The following NMNAT1 variants were observed in gnomAD, a reference collection of about 807,000 sequenced individuals.
NMNAT1 encodes the protein nicotinamide/nicotinic acid mononucleotide adenylyltransferase 1.
A neutral mutation model predicts 16.7 loss-of-function variants in NMNAT1; 11 were observed. That is an observed-to-expected ratio of 0.66 (90% CI 0.41 to 1.09). NMNAT1 has a LOEUF of 1.09. Ranked by LOEUF, NMNAT1 falls within the 50% of genes least tolerant of loss-of-function variation. The pLI is 0.00. For missense variants in NMNAT1, 280 were observed against 332.3 expected, an observed-to-expected ratio of 0.84 and a Z score of 1.22; for synonymous variants, 110 against 119.8, an observed-to-expected ratio of 0.92 and a Z score of 0.53.
rs181146275 is a variant in NMNAT1 at position 9,947,080 on chromosome 1, C to T, written c.-57+3565C>T. ...CCCCTGAACTTGGCTTTGTTCTCCA[C>T]TTGCCTACTTATTGTCACCACTTGG... On this transcript the variant is annotated intron_variant, in intron 1 of 4. Coordinates refer to ENST00000377205, the MANE Select transcript of NMNAT1 (RefSeq NM_022787.4). Among the ~76,000 whole-genome samples, 7 of 152,322 alleles carry T rather than the reference C, an allele frequency of 4.6e-5. No individual in the cohort carries two copies. In the East Asian group the frequency reaches 1.4e-3, roughly 29 times the overall value.
chr1:9,991,545 A>C, the NMNAT1 span, among the ~76,000 whole-genome samples: 1 of 152,096 alleles, frequency 6.6e-6, no homozygotes, highest in Non-Finnish European at 1.5e-5. Flanking sequence ...CTGGCTTCTC[A>C]ATGAAAATGG....
chr1:9,980,215 A>G (rs1641910684), intron 3 of NMNAT1, among the ~76,000 whole-genome samples: 1 of 151,832 alleles, frequency 6.6e-6, no homozygotes, highest in African/African-American at 2.4e-5. Context: ...TACAGGTGTG[A>G]GCCACCACGC....
intron 1 of NMNAT1, chr1:9,955,938 A>G (rs549051435): frequency 6.6e-6 from 1 of 152,204 alleles, no homozygotes; most frequent in East Asian, 1.9e-4. Context: ...TTAATTTATT[A>G]CTTATTACAG....
At chr1:9,973,787 G>C (rs1312989582) in intron 2 of NMNAT1, among the ~76,000 whole-genome samples, 1 of 150,966 alleles carries the variant, frequency 6.6e-6, no homozygotes. Flanking sequence ...CACTTCGAGA[G>C]GCAGAAGGGG....
chr1:9,967,299 A>G (rs1308487068), intron 1 of NMNAT1: 2 of 154,000 alleles, frequency 1.3e-5, no homozygotes, highest in African/African-American at 2.4e-5. Context: ...TAATAATTGA[A>G]GGAAGAATAA....
At chr1:9,970,421 G>T (rs781662629) in intron 1 of NMNAT1, among the ~76,000 whole-genome samples, 5 of 152,026 alleles carry the variant, frequency 3.3e-5, no homozygotes, top group African/African-American at 4.8e-5. Flanking sequence ...TAGGCCAGGC[G>T]CAGTGGCTCA....
chr1:9,966,062 G>A (rs1641535232), intron 1 of NMNAT1, among the ~76,000 whole-genome samples: 1 of 152,052 alleles, frequency 6.6e-6, no homozygotes, highest in Admixed American at 6.6e-5. Context: ...ACTTCGGGAG[G>A]CTGAAGCAGT....
chr1:9,980,454 A>C (rs1641915323), intron 3 of NMNAT1, among the ~76,000 whole-genome samples: 1 of 21,020 alleles, frequency 4.8e-5, no homozygotes, highest in South Asian at 7.0e-3. Context: ...CCCCGTCACT[A>C]CTAAAAATAC....
chr1:9,959,689 AAAAG>A (rs1366107511), intron 1 of NMNAT1, among the ~76,000 whole-genome samples: 1 of 152,042 alleles, frequency 6.6e-6, no homozygotes, highest in African/African-American at 2.4e-5. Context: ...CCCCACCAAA[AAAAG>A]AAAAGAAAGA....
chr1:9,954,929 C>CAAA, intron 1 of NMNAT1, among the ~76,000 whole-genome samples: 1 of 138,392 alleles, frequency 7.2e-6, no homozygotes, highest in East Asian at 2.1e-4. Context: ...GACTCCATCT[C>CAAA]AAAAAAAAAA....
downstream of NMNAT1, among the ~76,000 whole-genome samples, chr1:9,990,460 C>T (rs1011111586): frequency 1.1e-4 from 17 of 152,304 alleles, no homozygotes; most frequent in South Asian, 1.0e-3. Flanking sequence ...AACTCCTCAT[C>T]GCATCTCACT....
chr1:9,946,506 G>T (rs1357889521), intron 1 of NMNAT1, among the ~76,000 whole-genome samples: 2 of 152,186 alleles, frequency 1.3e-5, no homozygotes, highest in African/African-American at 4.8e-5. Flanking sequence ...ACTAGGTAGG[G>T]AAAATGCTGG....
chr1:9,958,696 C>T (rs1429801412), intron 1 of NMNAT1, among the ~76,000 whole-genome samples: 4 of 152,040 alleles, frequency 2.6e-5, no homozygotes, highest in Non-Finnish European at 5.9e-5. Flanking sequence ...CCTCTGTCTC[C>T]CAAAGTACTG....
At chr1:9,974,010 G>C (rs1291959619) in intron 2 of NMNAT1, among the ~76,000 whole-genome samples, 1 of 151,816 alleles carries the variant, frequency 6.6e-6, no homozygotes, top group Non-Finnish European at 1.5e-5. Context: ...GCCCATTTTT[G>C]TATTTTTAGT....
At chr1:9,982,107 C>T (rs900733345) in intron 4 of NMNAT1, among the ~76,000 whole-genome samples, 194 bp from the exon 5 acceptor site, 1 of 152,234 alleles carries the variant, frequency 6.6e-6, no homozygotes, top group Admixed American at 6.5e-5. Flanking sequence ...AAGTGATCTA[C>T]CCGCCTCGGC....
intron 1 of NMNAT1, among the ~76,000 whole-genome samples, chr1:9,944,946 A>G (rs1029205232): frequency 2.6e-5 from 4 of 152,210 alleles, no homozygotes; most frequent in Non-Finnish European, 5.9e-5. Flanking sequence ...TTCCTTTGCA[A>G]AAGTCGGCCG....
chr1:9,978,768 T>C (rs1294026242), intron 3 of NMNAT1, among the ~76,000 whole-genome samples: 1 of 152,170 alleles, frequency 6.6e-6, no homozygotes. Flanking sequence ...CCCACAAGTG[T>C]AGTTGATGTT....
intron 1 of NMNAT1, among the ~76,000 whole-genome samples, chr1:9,969,384 T>G (rs1000765244): frequency 6.6e-6 from 1 of 151,922 alleles, no homozygotes; most frequent in Non-Finnish European, 1.5e-5. Context: ...CTAGGCAGAT[T>G]GGAGGATGAA....
intron 1 of NMNAT1, among the ~76,000 whole-genome samples, chr1:9,970,310 A>G (rs1641658462): frequency 6.6e-6 from 1 of 152,126 alleles, no homozygotes; most frequent in African/African-American, 2.4e-5. Context: ...GGAAGGGATG[A>G]TGAGTGGAAT....
Sources: gnomAD v4.1 joint callset for allele counts (sites outside exome capture counted in the v4.1 genomes callset) on GRCh38, gnomAD v4.1.1 for gene constraint, MANE v1.5 for transcripts, NCBI Gene and HGNC (gene_info 2026-07-23, HGNC 2026-07-21) for gene names.